The following NEBL variants were observed in gnomAD, a reference collection of about 807,000 sequenced individuals.
NEBL encodes the protein LIM and SH3 protein 2.
In NEBL, 122 loss-of-function variants were observed where a neutral mutation model predicts 140.2. The observed-to-expected ratio is 0.87, with a 90% CI of 0.75 to 1.01. NEBL has a LOEUF of 1.01. Ranked by LOEUF, NEBL falls within the 50% of genes least tolerant of loss-of-function variation. The pLI is 0.00. For missense variants in NEBL, 1,365 were observed against 1,231.3 expected (o/e 1.11, Z -1.62); for synonymous variants, 436 against 398.9 (o/e 1.09, Z -1.11).
chr10:20,992,733 AC>A (rs1285538728), intron 3 of NEBL, among the ~76,000 whole-genome samples: 1 of 145,824 alleles, frequency 6.9e-6, no homozygotes, highest in Non-Finnish European at 1.5e-5. Context: ...TAGGCCAACT[AC>A]AATGAAATCA....
intron 4 of NEBL, among the ~76,000 whole-genome samples, chr10:20,925,500 G>A (rs987073386): frequency 2.6e-5 from 4 of 151,796 alleles, no homozygotes; most frequent in East Asian, 1.9e-4. Flanking sequence ...TTCCCAAAGC[G>A]TCCACCCTCC....
chr10:21,224,726 G>A (rs988594643), intron 3 of NEBL, among the ~76,000 whole-genome samples: 1 of 152,020 alleles, frequency 6.6e-6, no homozygotes, highest in African/African-American at 2.4e-5. Flanking sequence ...CACTTCTTTG[G>A]TTAAGTTGAT....
At chr10:20,857,875 C>G (rs1046287382) in intron 9 of NEBL, among the ~76,000 whole-genome samples, 2 of 152,088 alleles carry the variant, frequency 1.3e-5, no homozygotes, top group Admixed American at 6.6e-5. Flanking sequence ...GTACTAAATA[C>G]AAGACACTCT....
At chr10:20,916,427 G>A (rs952135125) in intron 4 of NEBL, among the ~76,000 whole-genome samples, 3 of 152,170 alleles carry the variant, frequency 2.0e-5, no homozygotes, top group East Asian at 3.8e-4. Flanking sequence ...TTGGGAAAGG[G>A]TCTCACTCTG....
intron 2 of NEBL, among the ~76,000 whole-genome samples, chr10:21,118,741 T>C (rs781077455): frequency 1.3e-4 from 20 of 152,188 alleles, no homozygotes; most frequent in Non-Finnish European, 2.9e-5. Flanking sequence ...ATTACATATG[T>C]GCGAAATGAG....
At chr10:20,796,236 G>A (rs373315909) in intron 26 of NEBL, among the ~76,000 whole-genome samples, 86 of 151,790 alleles carry the variant, frequency 5.7e-4, no homozygotes, top group African/African-American at 1.7e-3. Flanking sequence ...AGTGGTGGGC[G>A]CCCGTTATCC....
chr10:21,034,682 A>C (rs1564487955), intron 2 of NEBL, among the ~76,000 whole-genome samples: 1 of 152,254 alleles, frequency 6.6e-6, no homozygotes, highest in African/African-American at 2.4e-5. Flanking sequence ...AACGGAGGAA[A>C]CTGTCTAACG....
rs144538235 is a variant in NEBL, at chr10:21,029,742, T to TCC, written c.165-9542_165-9541insGG. 3.7e-6 allele frequency: 3 copies of TCC among 808,096 alleles called. No individual in the cohort carries two copies. The South Asian group carries it at 4.2e-5, about 11-fold the overall frequency. 50.1% of individuals were successfully genotyped at this position (808,096 alleles called of 1,614,324 possible). Reference sequence around the variant, plus strand: ...AGTATCGGGATGGCCCATGCCGGGATATGGATCGATATGGCTGGCGGTAGG... The same window carrying TCC: ...AGTATCGGGATGGCCCATGCCGGGATCCATGGATCGATATGGCTGGCGGTAGG... On this transcript the variant is annotated intron_variant, in intron 2 of 6. Transcript: ENST00000417816.
At chr10:21,234,965 A>G (rs1842329067) in intron 3 of NEBL, among the ~76,000 whole-genome samples, 1 of 152,218 alleles carries the variant, frequency 6.6e-6, no homozygotes. Flanking sequence ...GAGAGGACCT[A>G]AGAAGATTAT....
At chr10:20,890,745 G>A (rs561804447) in intron 2 of NEBL, among the ~76,000 whole-genome samples, 1 of 152,332 alleles carries the variant, frequency 6.6e-6, no homozygotes, top group South Asian at 2.1e-4. Flanking sequence ...TATGCCGGGG[G>A]AAGACCCGGG....
chr10:20,899,377 C>T, upstream of NEBL: 3 of 1,301,832 alleles, frequency 2.3e-6, no homozygotes, highest in Non-Finnish European at 3.0e-6. Flanking sequence ...AGGTGAATTA[C>T]CTTCATCAGG....
chr10:20,907,605 A>T (rs1848148136), intron 4 of NEBL, among the ~76,000 whole-genome samples: 1 of 152,196 alleles, frequency 6.6e-6, no homozygotes, highest in South Asian at 2.1e-4. Flanking sequence ...CCTTTTAAAC[A>T]ATATTGTGAA....
At chr10:21,126,215 A>C in intron 2 of NEBL, 1 of 1,255,256 alleles carries the variant, frequency 8.0e-7, no homozygotes, top group Non-Finnish European at 1.1e-6. Context: ...TAACAACTAC[A>C]TTGCTGGTTA....
chr10:21,255,706 A>C (rs1336308119), intron 1 of NEBL, among the ~76,000 whole-genome samples: 1 of 152,132 alleles, frequency 6.6e-6, no homozygotes, highest in Non-Finnish European at 1.5e-5. Flanking sequence ...TCTGAAAAGG[A>C]TTCATCTCCG....
intron 11 of NEBL, among the ~76,000 whole-genome samples, chr10:20,846,081 T>C (rs1260314220): frequency 1.3e-5 from 2 of 152,152 alleles, no homozygotes; most frequent in African/African-American, 4.8e-5. Context: ...ATTAGCCTTT[T>C]TAAAACACTG....
In NEBL at chr10:20,839,435, C is replaced by T. The variant is rs576769492; in HGVS notation, c.1338+1304G>A. On this transcript the variant is annotated intron_variant, in intron 13 of 27. Transcript: ENST00000377122. ...TATGGCTGACCAGCATCCATTCCTC[C>T]TCCTTCTGGCAAAAAGCTCCATGAT... Among the ~76,000 whole-genome samples the T allele has an allele frequency of 4.6e-5, 7 of 152,252 alleles. 1 individual carries two copies. Among genetic ancestry groups the T allele is most frequent in the Admixed American group, 3.9e-4 (6 of 15,290 alleles).
In NEBL at chr10:20,799,045, GCTAGATGTACAGA is replaced by G. The variant is rs375169659; in HGVS notation, c.2761+9452_2761+9464del. 4.0e-3 allele frequency among the ~76,000 whole-genome samples: 614 copies of G among 152,160 alleles called. 6 individuals are homozygous for G. Among genetic ancestry groups the G allele is most frequent in the African/African-American group, 0.014 (586 of 41,508 alleles). On this transcript the variant is annotated intron_variant, in intron 26 of 27. Transcript: ENST00000377122. Reference sequence around the variant, plus strand: ...AATGTACAATGTGTTTTTTTCACAGGCTAGATGTACAGACTAGATGGTAAAATATAATCATATG... The same window carrying G: ...AATGTACAATGTGTTTTTTTCACAGGCTAGATGGTAAAATATAATCATATG...
chr10:20,847,621 G>C (rs1842070744), intron 11 of NEBL, among the ~76,000 whole-genome samples: 1 of 152,128 alleles, frequency 6.6e-6, no homozygotes, highest in Non-Finnish European at 1.5e-5. Flanking sequence ...AAAGAAGAGG[G>C]GAGGGGGTAA....
At chr10:20,865,118 G>T (rs1371215329) in intron 7 of NEBL, among the ~76,000 whole-genome samples, 2 of 152,146 alleles carry the variant, frequency 1.3e-5, no homozygotes, top group Non-Finnish European at 2.9e-5. Flanking sequence ...TCTTCTAAGG[G>T]CTCTCAAATA....
Sources: allele counts gnomAD v4.1 joint callset (sites outside exome capture counted in the v4.1 genomes callset), GRCh38; gene constraint gnomAD v4.1.1; transcripts MANE v1.5; gene names NCBI Gene and HGNC (gene_info 2026-07-23, HGNC 2026-07-21).